The following GNB1 variants were observed in gnomAD, a reference collection of about 807,000 sequenced individuals.
GNB1 encodes guanine nucleotide-binding protein G(I)/G(S)/G(T) subunit beta-1.
Under a neutral mutation model 42.9 loss-of-function variants are expected in GNB1, and 2 were observed. The observed-to-expected ratio is 0.05, with a 90% CI of 0.02 to 0.15. The LOEUF (loss-of-function observed/expected upper bound fraction) is 0.15, where lower values mean the gene tolerates loss of function less well. Ranked by LOEUF, GNB1 falls within the 10% of genes least tolerant of loss-of-function variation. GNB1 has a pLI of 1.00. For missense variants in GNB1, 193 were observed against 462.2 expected (o/e 0.42, Z 5.34); for synonymous variants, 183 against 174.7 (o/e 1.05, Z -0.38).
intron 2 of GNB1, among the ~76,000 whole-genome samples, chr1:1,838,761 C>T (rs1204140987): frequency 3.3e-5 from 5 of 152,044 alleles, no homozygotes; most frequent in Non-Finnish European, 7.4e-5. Context: ...GGTATTTCAA[C>T]TAAGATCTGA....
chr1:1,859,110 C>A (rs1174056673), intron 1 of GNB1, among the ~76,000 whole-genome samples: 3 of 151,870 alleles, frequency 2.0e-5, no homozygotes, highest in Non-Finnish European at 4.4e-5. Flanking sequence ...CAACCTCCAC[C>A]TCTCAGGTTC....
intron 1 of GNB1, chr1:1,890,316 C>G (rs1041025732): frequency 3.3e-5 from 5 of 151,884 alleles, no homozygotes; most frequent in African/African-American, 1.2e-4. Context: ...TTTCATTGTT[C>G]CCCTTCCCCA....
chr1:1,797,520 C>T (rs1436059731), intron 7 of GNB1, among the ~76,000 whole-genome samples: 1 of 151,988 alleles, frequency 6.6e-6, no homozygotes, highest in African/African-American at 2.4e-5. Context: ...CTCACTGCAA[C>T]CTCCGCCACC....
intron 7 of GNB1, among the ~76,000 whole-genome samples, chr1:1,795,440 G>A (rs1646533509): frequency 6.6e-6 from 1 of 152,180 alleles, no homozygotes; most frequent in Non-Finnish European, 1.5e-5. Flanking sequence ...AGGGGACCAG[G>A]CGGAGGCACT....
intron 1 of GNB1, among the ~76,000 whole-genome samples, chr1:1,883,812 T>C (rs1442303816): frequency 1.3e-5 from 2 of 152,252 alleles, no homozygotes; most frequent in African/African-American, 4.8e-5. Flanking sequence ...AGAGCTGAGC[T>C]GGGCTCTAAC....
intron 3 of GNB1, among the ~76,000 whole-genome samples, chr1:1,819,864 T>C (rs1015144996): frequency 4.6e-5 from 7 of 151,940 alleles, no homozygotes; most frequent in Non-Finnish European, 8.8e-5. Context: ...GTAAGAAAAA[T>C]GTGTTTATAT....
intron 1 of GNB1, among the ~76,000 whole-genome samples, chr1:1,845,036 T>TTCAA: frequency 6.6e-6 from 1 of 152,156 alleles, no homozygotes; most frequent in African/African-American, 2.4e-5. Context: ...TATCATAATC[T>TTCAA]TCAACTATAT....
At chr1:1,866,414 G>A (rs1295444951) in intron 1 of GNB1, among the ~76,000 whole-genome samples, 1 of 152,156 alleles carries the variant, frequency 6.6e-6, no homozygotes, top group Non-Finnish European at 1.5e-5. Context: ...ACCATTTACT[G>A]TATTGTGGTC....
chr1:1,885,741 G>T (rs1373918239), intron 1 of GNB1, among the ~76,000 whole-genome samples: 4 of 150,430 alleles, frequency 2.7e-5, no homozygotes, highest in Non-Finnish European at 5.9e-5. Context: ...GGTATTTTTA[G>T]TAGCAATGGG....
intron 1 of GNB1, among the ~76,000 whole-genome samples, chr1:1,884,226 A>C (rs1220177715): frequency 6.6e-6 from 1 of 150,594 alleles, no homozygotes; most frequent in African/African-American, 2.4e-5. Flanking sequence ...CAGCCTCCCG[A>C]GTAGCTGGAA....
intron 2 of GNB1, among the ~76,000 whole-genome samples, chr1:1,827,682 T>C (rs149174173): frequency 6.6e-5 from 10 of 152,346 alleles, no homozygotes; most frequent in African/African-American, 2.2e-4. Flanking sequence ...GTGCTTTGCA[T>C]TCTTTCTGCA....
At chr1:1,815,463 A>C (rs1646840992) in intron 5 of GNB1, among the ~76,000 whole-genome samples, 1 of 152,236 alleles carries the variant, frequency 6.6e-6, no homozygotes, top group African/African-American at 2.4e-5. Context: ...AACTGGGAAG[A>C]CAGAGGTCTA....
chr1:1,871,945 T>C (rs766746468), intron 1 of GNB1, among the ~76,000 whole-genome samples: 1 of 152,022 alleles, frequency 6.6e-6, no homozygotes, highest in Non-Finnish European at 1.5e-5. Context: ...ATGACCTCTG[T>C]CTCAATCTGT....
chr1:1,792,718 A>G (rs112294141), intron 8 of GNB1, among the ~76,000 whole-genome samples: 3 of 151,994 alleles, frequency 2.0e-5, no homozygotes, highest in African/African-American at 7.2e-5. Flanking sequence ...AAAAAAGAAA[A>G]AAATGTGTAT....
chr1:1,801,876 G>C (rs1186339245), intron 7 of GNB1, among the ~76,000 whole-genome samples: 2 of 152,182 alleles, frequency 1.3e-5, no homozygotes, highest in African/African-American at 4.8e-5. Context: ...TATTTTCAAA[G>C]ACACAGTTAA....
chr1:1,844,630 G>A (rs1557921948), intron 1 of GNB1, among the ~76,000 whole-genome samples: 1 of 152,094 alleles, frequency 6.6e-6, no homozygotes, highest in South Asian at 2.1e-4. Context: ...ATACTTGTGG[G>A]GGATGATTTC....
intron 1 of GNB1, among the ~76,000 whole-genome samples, chr1:1,876,951 C>T (rs979455217): frequency 1.3e-5 from 2 of 152,012 alleles, no homozygotes; most frequent in Admixed American, 1.3e-4. Flanking sequence ...TCATGTTTTC[C>T]AAGATGAATG....
intron 1 of GNB1, among the ~76,000 whole-genome samples, chr1:1,882,731 G>A (rs112726171): frequency 2.0e-5 from 3 of 152,176 alleles, no homozygotes; most frequent in African/African-American, 7.2e-5. Context: ...GACCAGACTG[G>A]CCAATATGGT....
chr1:1,886,039 C>T (rs914682705), intron 1 of GNB1, among the ~76,000 whole-genome samples: 3 of 150,990 alleles, frequency 2.0e-5, no homozygotes, highest in South Asian at 2.2e-4. Flanking sequence ...CGGCAGGGCA[C>T]GGTGGCTCAC....
Sources: allele counts gnomAD v4.1 joint callset (sites outside exome capture counted in the v4.1 genomes callset), GRCh38; gene constraint gnomAD v4.1.1; transcripts MANE v1.5; gene names NCBI Gene and HGNC (gene_info 2026-07-23, HGNC 2026-07-21).